KCNMA1: variants seen among roughly 807,000 people sequenced by gnomAD.
KCNMA1 encodes the protein Calcium-activated potassium channel subunit alpha-1.
KCNMA1 carries 29 observed loss-of-function variants against 140.0 expected under a neutral mutation model. The ratio of observed to expected loss-of-function variants is 0.21; its 90% CI spans 0.15 to 0.28. The LOEUF (loss-of-function observed/expected upper bound fraction) is 0.28, where lower values mean the gene tolerates loss of function less well. Among genes scored for constraint, KCNMA1 ranks in the 10% least tolerant of loss-of-function variants. The pLI, the probability that KCNMA1 is intolerant of heterozygous loss-of-function variation, is 1.00. For missense variants in KCNMA1, 880 were observed against 1,602.2 expected (o/e 0.55, Z 7.70); for synonymous variants, 612 against 611.9 (o/e 1.00, Z 0.00).
At chr10:76,910,541 A>AT (rs1039395924) in intron 24 of KCNMA1, 15 of 284,848 alleles carry the variant, frequency 5.3e-5, no homozygotes, top group African/African-American at 3.3e-4. Flanking sequence ...GAGCGCTGGA[A>AT]GGGGAGCACA....
chr10:77,426,305 T>G (rs188426211), intron 1 of KCNMA1, among the ~76,000 whole-genome samples: 1 of 152,326 alleles, frequency 6.6e-6, no homozygotes, highest in African/African-American at 2.4e-5. Flanking sequence ...ATATGACTTT[T>G]TTTTGTATAT....
chr10:76,927,433 A>G (rs537101897), intron 23 of KCNMA1, among the ~76,000 whole-genome samples: 1 of 152,312 alleles, frequency 6.6e-6, no homozygotes, highest in South Asian at 2.1e-4. Flanking sequence ...ATATATAACC[A>G]GTTGTTCCAT....
chr10:77,382,434 G>A (rs1232123293), intron 2 of KCNMA1, among the ~76,000 whole-genome samples: 1 of 152,174 alleles, frequency 6.6e-6, no homozygotes, highest in East Asian at 1.9e-4. Flanking sequence ...TGTAATTGGA[G>A]GAGAAGAGCC....
At chr10:77,550,853 C>A (rs2062666478) in intron 1 of KCNMA1, among the ~76,000 whole-genome samples, 1 of 152,138 alleles carries the variant, frequency 6.6e-6, no homozygotes, top group Admixed American at 6.5e-5. Context: ...ACAACCCAAG[C>A]AGTACATGGG....
chr10:76,970,713 C>G (rs537745958), intron 19 of KCNMA1: 1 of 153,830 alleles, frequency 6.5e-6, no homozygotes. Flanking sequence ...GCTGTGCCAA[C>G]GGGGTCCTTT....
At chr10:76,980,013 A>C (rs2078941555) in intron 19 of KCNMA1, 1 of 152,186 alleles carries the variant, frequency 6.6e-6, no homozygotes, top group Non-Finnish European at 1.5e-5. Context: ...TTGAACTATA[A>C]AATCTTTATC....
chr10:77,451,291 T>C (rs990499584), intron 1 of KCNMA1, among the ~76,000 whole-genome samples: 2 of 152,082 alleles, frequency 1.3e-5, no homozygotes, highest in South Asian at 2.1e-4. Flanking sequence ...TCCTGAGCAA[T>C]ACACTAGACA....
At chr10:76,890,337 G>A (rs1057248743) in intron 26 of KCNMA1, among the ~76,000 whole-genome samples, 5 of 152,136 alleles carry the variant, frequency 3.3e-5, no homozygotes. Context: ...CTGCGGGATG[G>A]CTTCACTGGG....
At chr10:77,002,782 C>T (rs2086922523) in intron 18 of KCNMA1, among the ~76,000 whole-genome samples, 1 of 152,166 alleles carries the variant, frequency 6.6e-6, no homozygotes, top group South Asian at 2.1e-4. Flanking sequence ...AACATGTTTG[C>T]TTATCACTTA....
chr10:77,233,808 G>A (rs2054450941), intron 3 of KCNMA1, among the ~76,000 whole-genome samples: 1 of 152,148 alleles, frequency 6.6e-6, no homozygotes, highest in Non-Finnish European at 1.5e-5. Context: ...CACTAGAGGC[G>A]AGGTGCCCCC....
chr10:77,418,100 C>G (rs1457097747), intron 1 of KCNMA1, among the ~76,000 whole-genome samples: 1 of 152,232 alleles, frequency 6.6e-6, no homozygotes, highest in Non-Finnish European at 1.5e-5. Flanking sequence ...AGCAGCCAAA[C>G]ACAAGAGAGT....
chr10:77,551,628 G>T (rs1288977711), intron 1 of KCNMA1, among the ~76,000 whole-genome samples: 1 of 152,158 alleles, frequency 6.6e-6, no homozygotes, highest in Non-Finnish European at 1.5e-5. Context: ...CTGTTAATAT[G>T]CAGCCTTAAT....
intron 14 of KCNMA1, among the ~76,000 whole-genome samples, chr10:77,065,217 C>T (rs2095883985): frequency 6.6e-6 from 1 of 152,050 alleles, no homozygotes; most frequent in Non-Finnish European, 1.5e-5. Context: ...TCACCTTGTC[C>T]CAGGGAAAAG....
Position 76,889,825 on chromosome 10 carries a change from T to C in KCNMA1, c.3343-256A>G, listed in dbSNP as rs141419551. On this transcript the variant is annotated intron_variant, in intron 26 of 27. Transcript: ENST00000286628. ...CAGTTTTCCACCTGTCGCAGTGGGG[T>C]TTGAAAGCTCTAAGGAGATTATGCT... 8.7e-4 allele frequency: 460 copies of C among 531,278 alleles called. 1 individual carries two copies. The highest frequency in any genetic ancestry group is 1.3e-3 in the Non-Finnish European group (394 of 294,148). 32.9% of individuals were successfully genotyped at this position (531,278 alleles called of 1,614,324 possible). A position where few individuals can be genotyped will look rare whatever the true frequency, so the allele number is the denominator to read the frequency against.
At chr10:77,201,832 A>C (rs34380726) in intron 3 of KCNMA1, among the ~76,000 whole-genome samples, 24,279 of 152,108 alleles carry the variant, frequency 0.16, 2,411 homozygotes, top group Non-Finnish European at 0.21. Flanking sequence ...AGCAAAAAAA[A>C]AAAAGTGCTT....
intron 19 of KCNMA1, chr10:76,970,601 A>G (rs2075801471): frequency 1.1e-5 from 2 of 184,900 alleles, no homozygotes; most frequent in South Asian, 2.2e-4. Flanking sequence ...TTGACAGCCA[A>G]TGTTTCAATC....
chr10:77,366,379 G>C (rs1431078768), intron 2 of KCNMA1, among the ~76,000 whole-genome samples: 1 of 152,130 alleles, frequency 6.6e-6, no homozygotes. Context: ...TTGTTGACCA[G>C]GCTGGTCTCA....
intron 1 of KCNMA1, among the ~76,000 whole-genome samples, chr10:77,511,423 T>C (rs923465725): frequency 5.9e-5 from 9 of 152,190 alleles, no homozygotes; most frequent in African/African-American, 1.7e-4. Context: ...AAGCATTTCA[T>C]AGTAGTTAAG....
intron 18 of KCNMA1, 141 bp from the exon 19 acceptor site, chr10:77,001,721 T>C (rs1013956489): frequency 7.6e-6 from 5 of 659,358 alleles, no homozygotes; most frequent in Non-Finnish European, 1.3e-5. Context: ...CAGAAAAAAA[T>C]GCAGAGTGAT....
Sources: allele counts gnomAD v4.1 joint callset (sites outside exome capture counted in the v4.1 genomes callset), GRCh38; gene constraint gnomAD v4.1.1; transcripts MANE v1.5; gene names NCBI Gene and HGNC (gene_info 2026-07-23, HGNC 2026-07-21).